The following PTBP3 variants were observed in gnomAD, a reference collection of about 807,000 sequenced individuals.
The protein encoded by PTBP3 is polypyrimidine tract binding protein 3.
PTBP3 carries 20 observed loss-of-function variants against 58.7 expected under a neutral mutation model. That is an observed-to-expected ratio of 0.34 (90% CI 0.24 to 0.50). PTBP3 has a LOEUF of 0.50. Ranked by LOEUF, PTBP3 falls within the 20% of genes least tolerant of loss-of-function variation. PTBP3 has a pLI of 0.98. For missense variants in PTBP3, 509 were observed against 637.2 expected, an observed-to-expected ratio of 0.80 and a Z score of 2.17; for synonymous variants, 185 against 219.8, an observed-to-expected ratio of 0.84 and a Z score of 1.40.
the PTBP3 span, among the ~76,000 whole-genome samples, chr9:112,366,566 G>T: frequency 3.2e-4 from 49 of 152,198 alleles, no homozygotes; most frequent in Non-Finnish European, 5.7e-4. Context: ...TCCACGTGGT[G>T]GTGAGCCTGC....
chr9:112,315,092 A>G (rs1829649966), intron 1 of PTBP3, among the ~76,000 whole-genome samples: 1 of 152,016 alleles, frequency 6.6e-6, no homozygotes. Context: ...TGGCCTCCCA[A>G]AGTGCTGGGA....
At chr9:112,255,649 T>A (rs1836316723) in intron 5 of PTBP3, among the ~76,000 whole-genome samples, 1 of 152,158 alleles carries the variant, frequency 6.6e-6, no homozygotes, top group African/African-American at 2.4e-5. Context: ...CTCCTTCATA[T>A]AACATAACAC....
chr9:112,264,011 A>T (rs1836701390), intron 4 of PTBP3, among the ~76,000 whole-genome samples: 1 of 152,174 alleles, frequency 6.6e-6, no homozygotes, highest in South Asian at 2.1e-4. Context: ...TGATGCTAAA[A>T]ATTATGAAGG....
At chr9:112,321,163 T>C (rs1297051345) in intron 1 of PTBP3, among the ~76,000 whole-genome samples, 1 of 152,028 alleles carries the variant, frequency 6.6e-6, no homozygotes, top group Non-Finnish European at 1.5e-5. Flanking sequence ...CACTCAATAA[T>C]AGAAATATAA....
At chr9:112,240,027 G>C (rs534328025) in intron 7 of PTBP3, among the ~76,000 whole-genome samples, 1 of 152,094 alleles carries the variant, frequency 6.6e-6, no homozygotes, top group Non-Finnish European at 1.5e-5. Context: ...CTGGAGGTTG[G>C]AACACACCTA....
At chr9:112,376,386 T>G in the PTBP3 span, among the ~76,000 whole-genome samples, 97 of 150,634 alleles carry the variant, frequency 6.4e-4, no homozygotes, top group African/African-American at 2.1e-3. Context: ...CCCGAGTAGC[T>G]GGGACTACAG....
intron 1 of PTBP3, among the ~76,000 whole-genome samples, chr9:112,316,483 C>T (rs763206785): frequency 1.1e-4 from 17 of 152,300 alleles, no homozygotes; most frequent in Middle Eastern, 3.4e-3. Context: ...TGAGCTCGAA[C>T]ATGGATTCTT....
rs1013304934 is a variant in PTBP3 at position 112,280,767 on chromosome 9, A to G, written c.35-4754T>C. Among the ~76,000 whole-genome samples the G allele has an allele frequency of 3.3e-5, 5 of 150,774 alleles. No homozygotes were observed. The East Asian group carries it at 5.8e-4, about 18-fold the overall frequency. ...TTCATACGTGTGTGTCTGTGTGTGTATGTGTGTGTGTGTGTGTGCATATAT... is the reference window on the plus strand; with the variant it reads ...TTCATACGTGTGTGTCTGTGTGTGTGTGTGTGTGTGTGTGTGTGCATATAT... On this transcript the variant is annotated intron_variant, in intron 2 of 13. Coordinates refer to ENST00000374257, the MANE Select transcript of PTBP3 (RefSeq NM_001163788.4).
chr9:112,290,604 G>A (rs574938667), intron 2 of PTBP3, among the ~76,000 whole-genome samples: 14 of 150,556 alleles, frequency 9.3e-5, no homozygotes, highest in Admixed American at 2.0e-4. Flanking sequence ...CCCAGGAGGC[G>A]GAGGTTGCAG....
chr9:112,227,040 T>C (rs2131953849), intron 12 of PTBP3, among the ~76,000 whole-genome samples: 1 of 152,340 alleles, frequency 6.6e-6, no homozygotes, highest in South Asian at 2.1e-4. Context: ...TTTACCAAAT[T>C]CTTAGATACA....
chr9:112,309,332 T>C (rs755895370), intron 1 of PTBP3, among the ~76,000 whole-genome samples: 2 of 152,130 alleles, frequency 1.3e-5, no homozygotes, highest in African/African-American at 2.4e-5. Context: ...CTCTAAGTTT[T>C]TCCAAAAACA....
At chr9:112,351,573 C>T in the PTBP3 span, among the ~76,000 whole-genome samples, 16 of 152,312 alleles carry the variant, frequency 1.1e-4, no homozygotes, top group East Asian at 3.1e-3. Context: ...CTATGCTCTA[C>T]TTCCTTGAGT....
chr9:112,254,093 C>A (rs190492136), intron 5 of PTBP3, among the ~76,000 whole-genome samples: 2 of 152,114 alleles, frequency 1.3e-5, no homozygotes, highest in Non-Finnish European at 2.9e-5. Flanking sequence ...CAGGCTCATG[C>A]GATCCTCCCA....
chr9:112,290,488 A>G (rs963664570), intron 2 of PTBP3, among the ~76,000 whole-genome samples: 1 of 151,832 alleles, frequency 6.6e-6, no homozygotes, highest in Non-Finnish European at 1.5e-5. Context: ...CCTGGCCAAC[A>G]TGGTAAAACC....
chr9:112,333,110 TGA>T, intron 1 of PTBP3: 1 of 1,254,318 alleles, frequency 8.0e-7, no homozygotes, highest in Non-Finnish European at 1.0e-6. Context: ...CACCATTTTC[TGA>T]GAGGAAGTGT....
At chr9:112,280,938 G>A (rs187010475) in intron 2 of PTBP3, 1 of 152,142 alleles carries the variant, frequency 6.6e-6, no homozygotes, top group African/African-American at 2.4e-5. Flanking sequence ...TCAGTGGGAT[G>A]GGCAGCTTCA....
At chr9:112,324,123 GT>G (rs533791891) in intron 1 of PTBP3, among the ~76,000 whole-genome samples, 1 of 151,438 alleles carries the variant, frequency 6.6e-6, no homozygotes, top group Non-Finnish European at 1.5e-5. Context: ...TATTTAAAGA[GT>G]TTTTTTAAAA....
the PTBP3 span, among the ~76,000 whole-genome samples, chr9:112,378,123 C>T: frequency 6.6e-6 from 1 of 151,996 alleles, no homozygotes; most frequent in Non-Finnish European, 1.5e-5. Context: ...TCACCCATTC[C>T]TCACCTCTAG....
chr9:112,227,049 C>T (rs932963406), intron 12 of PTBP3, among the ~76,000 whole-genome samples: 5 of 152,174 alleles, frequency 3.3e-5, no homozygotes, highest in Admixed American at 2.0e-4. Context: ...TTCTTAGATA[C>T]ACAATTTGAT....
Sources: gnomAD v4.1 joint callset for allele counts (sites outside exome capture counted in the v4.1 genomes callset) on GRCh38, gnomAD v4.1.1 for gene constraint, MANE v1.5 for transcripts, NCBI Gene and HGNC (gene_info 2026-07-23, HGNC 2026-07-21) for gene names.